MKLN1: variants seen among roughly 807,000 people sequenced by gnomAD.
The protein encoded by MKLN1 is muskelin.
In MKLN1, 18 loss-of-function variants were observed where a neutral mutation model predicts 99.0. The ratio of observed to expected loss-of-function variants is 0.18; its 90% CI spans 0.13 to 0.27. The LOEUF is 0.27. MKLN1 is among the 10% of genes least tolerant of loss of function. MKLN1 has a pLI of 1.00. For missense variants in MKLN1, 621 were observed against 875.9 expected (o/e 0.71, Z 3.67); for synonymous variants, 288 against 293.2 (o/e 0.98, Z 0.18).
chr7:131,164,250 T>C lies in MKLN1; in HGVS notation c.-297+21309T>C, dbSNP rs146915821. On this transcript the variant is annotated intron_variant, in intron 2 of 7. Transcript: ENST00000416992. ...ACTCAGCTTCCTGAGTAGCTGGGAC[T>C]ACAGGCACACACCACCATGCCTAGC... Among the ~76,000 whole-genome samples, 29 of 152,294 alleles carry C rather than the reference T, an allele frequency of 1.9e-4. No individual in the cohort carries two copies. In the East Asian group the frequency reaches 5.0e-3, roughly 26 times the overall value.
At chr7:131,275,243 C>G (rs1487338278) in intron 3 of MKLN1, among the ~76,000 whole-genome samples, 1 of 151,858 alleles carries the variant, frequency 6.6e-6, no homozygotes, top group East Asian at 1.9e-4. Flanking sequence ...AGAAAGACAG[C>G]AAGAGAGCTC....
intron 2 of MKLN1, among the ~76,000 whole-genome samples, chr7:131,185,580 AAAAAAAT>A (rs1178895652): frequency 1.3e-5 from 2 of 151,940 alleles, no homozygotes; most frequent in Non-Finnish European, 2.9e-5. Context: ...TCCATCTCAA[AAAAAAAT>A]AAAAAATAAA....
rs1342246099 is a variant in MKLN1 at position 131,192,195 on chromosome 7, AAT to A, written c.-296-10656_-296-10655del. ...TAATATATAAAAATATATAAAATAT[AAT>A]ATATACAATATATAAATATATAAAA... On this transcript the variant is annotated intron_variant, in intron 2 of 7. Coordinates refer to the MKLN1 transcript ENST00000416992. 2.8e-5 allele frequency among the ~76,000 whole-genome samples: 2 copies of A among 72,574 alleles called. 1 individual carries two copies. Among genetic ancestry groups the A allele is most frequent in the Non-Finnish European group, 5.1e-5 (2 of 39,508 alleles). 47.6% of individuals were successfully genotyped at this position (72,574 alleles called of 152,430 possible).
chr7:131,272,410 A>G (rs1004770665), intron 3 of MKLN1, among the ~76,000 whole-genome samples: 3 of 152,230 alleles, frequency 2.0e-5, no homozygotes, highest in Non-Finnish European at 4.4e-5. Context: ...GAGGAAGTAC[A>G]AGTAGTCCAA....
At chr7:131,321,889 G>C (rs1187896101) in intron 3 of MKLN1, among the ~76,000 whole-genome samples, 1 of 152,248 alleles carries the variant, frequency 6.6e-6, no homozygotes, top group Admixed American at 6.5e-5. Context: ...ATTTCTATCT[G>C]ATCTCAGCTT....
upstream of MKLN1, chr7:131,327,687 C>G (rs918493581): frequency 8.7e-6 from 7 of 800,984 alleles, no homozygotes; most frequent in Non-Finnish European, 1.3e-5. Flanking sequence ...AGCGCTTACA[C>G]CTCAGACCCA....
At chr7:131,425,681 T>G (rs1169965109) in intron 8 of MKLN1, among the ~76,000 whole-genome samples, 7 of 151,970 alleles carry the variant, frequency 4.6e-5, no homozygotes, top group Admixed American at 2.6e-4. Context: ...AGAGAAGGGG[T>G]GAAGGGGTTG....
intron 3 of MKLN1, among the ~76,000 whole-genome samples, chr7:131,240,936 T>G (rs560770130): frequency 6.6e-6 from 1 of 152,040 alleles, no homozygotes; most frequent in East Asian, 1.9e-4. Flanking sequence ...TGGCTAAGAG[T>G]GATTTAAGCT....
Position 131,495,247 on chromosome 7 carries a change from G to A in MKLN1, c.*7519G>A, listed in dbSNP as rs574449692. Reference sequence around the variant, plus strand: ...AAAACCAAAATTGGACTGAAAATTAGATTGAGAAGAAAGATACAACTTCCT... The same window carrying A: ...AAAACCAAAATTGGACTGAAAATTAAATTGAGAAGAAAGATACAACTTCCT... On this transcript the variant is annotated 3_prime_UTR_variant, in exon 18 of 18. Transcript: ENST00000352689. 33 of 152,280 alleles carry A rather than the reference G, an allele frequency of 2.2e-4. No homozygotes were observed. Among genetic ancestry groups the A allele is most frequent in the African/African-American group, 7.9e-4 (33 of 41,560 alleles). 9.4% of individuals were successfully genotyped at this position (152,280 alleles called of 1,614,324 possible).
chr7:131,180,647 C>T (rs1412887258), intron 2 of MKLN1, among the ~76,000 whole-genome samples: 2 of 148,140 alleles, frequency 1.4e-5, no homozygotes, highest in Admixed American at 6.8e-5. Context: ...TGCAGTGAGC[C>T]AAGATCCCAC....
intron 2 of MKLN1, among the ~76,000 whole-genome samples, chr7:131,386,559 G>A (rs766246745): frequency 6.6e-5 from 10 of 152,058 alleles, no homozygotes; most frequent in Non-Finnish European, 8.8e-5. Flanking sequence ...AACAGTCTGC[G>A]TGATGTTCTC....
At chr7:131,286,753 A>G (rs562172267) in intron 3 of MKLN1, among the ~76,000 whole-genome samples, 2 of 152,374 alleles carry the variant, frequency 1.3e-5, no homozygotes, top group East Asian at 1.9e-4. Flanking sequence ...CAATATTTAT[A>G]TAACAAAAGA....
rs114618510 is a variant in MKLN1 at position 131,302,084 on chromosome 7, G to A, written c.-178-73340G>A. On this transcript the variant is annotated intron_variant, in intron 3 of 7. Transcript: ENST00000416992. ...TAGATGATTGTGCTACAGGGATAGC[G>A]TTCATTAGGAAGTGTGGTATTTGGC... Among the ~76,000 whole-genome samples, 366 of 152,340 alleles carry A rather than the reference G, an allele frequency of 2.4e-3. 3 individuals carry two copies. Among genetic ancestry groups the A allele is most frequent in the African/African-American group, 8.5e-3 (355 of 41,570 alleles).
chr7:131,158,009 A>T (rs912796176), intron 2 of MKLN1, among the ~76,000 whole-genome samples: 1 of 152,152 alleles, frequency 6.6e-6, no homozygotes, highest in Non-Finnish European at 1.5e-5. Context: ...CTGCCTATCC[A>T]TGCTGCAGTG....
At chr7:131,250,053 G>T (rs1382076576) in intron 3 of MKLN1, among the ~76,000 whole-genome samples, 1 of 152,202 alleles carries the variant, frequency 6.6e-6, no homozygotes, top group African/African-American at 2.4e-5. Context: ...GAATCATGCA[G>T]TAATTGAAGA....
At chr7:131,387,467 A>AACC (rs1280612210) in intron 3 of MKLN1, among the ~76,000 whole-genome samples, 1 of 152,086 alleles carries the variant, frequency 6.6e-6, no homozygotes, top group Non-Finnish European at 1.5e-5. Flanking sequence ...ACCCTAGTTA[A>AACC]TATTTTTACC....
At chr7:131,402,994 A>G (rs1477496887) in intron 6 of MKLN1, among the ~76,000 whole-genome samples, 2 of 152,286 alleles carry the variant, frequency 1.3e-5, no homozygotes, top group Admixed American at 1.3e-4. Flanking sequence ...CCCTTGCAAG[A>G]CAGTCACACT....
intron 2 of MKLN1, among the ~76,000 whole-genome samples, chr7:131,187,655 G>GCCA (rs1796472248): frequency 6.6e-6 from 1 of 152,132 alleles, no homozygotes; most frequent in East Asian, 1.9e-4. Flanking sequence ...TAGGCCAGGT[G>GCCA]CGGTGACTCA....
chr7:131,265,438 C>G (rs7804838), intron 3 of MKLN1, among the ~76,000 whole-genome samples: 3,904 of 152,250 alleles, frequency 0.026, 147 homozygotes, highest in African/African-American at 0.088. Context: ...TTTCTCCCCA[C>G]CCACTCTTCT....
Sources: gnomAD v4.1 joint callset for allele counts (sites outside exome capture counted in the v4.1 genomes callset) on GRCh38, gnomAD v4.1.1 for gene constraint, MANE v1.5 for transcripts, NCBI Gene and HGNC (gene_info 2026-07-23, HGNC 2026-07-21) for gene names.